Variants in DNAH5 observed in about 807,000 individuals in gnomAD.
DNAH5 encodes the protein axonemal beta dynein heavy chain 5.
A neutral mutation model predicts 518.2 loss-of-function variants in DNAH5; 372 were observed. The observed-to-expected ratio is 0.72, with a 90% CI of 0.66 to 0.78. The LOEUF (loss-of-function observed/expected upper bound fraction) is 0.78. Ranked by LOEUF, DNAH5 falls within the 30% of genes least tolerant of loss-of-function variation. The probability of loss-of-function intolerance (pLI) is 0.00; values close to 1 mark genes in which losing one functional copy is unlikely to be tolerated. For synonymous variants in DNAH5, 2,039 were observed against 2,025.9 expected (o/e 1.01, Z -0.17); for missense variants, 5,523 against 5,687.0 (o/e 0.97, Z 0.93).
At position 13,758,943 on chromosome 5, in the gene DNAH5, A is replaced by G; in HGVS notation, c.10322T>C (p.Met3441Thr). The G allele has an allele frequency of 1.2e-6, 2 of 1,614,202 alleles. No individual in the cohort carries two copies. The highest frequency in any genetic ancestry group is 1.7e-6 in the Non-Finnish European group (2 of 1,180,020). The change falls in exon 61 of 79, where the codon ATG becomes ACG. Residue 3441 changes from methionine (M) to threonine (T), a missense_variant. By Grantham distance (81) the Met-to-Thr change is moderately conservative. This residue lies in a region of DNAH5 where 5,121 missense variants were observed against 5,223.3 expected (regional missense o/e 0.98). Coordinates refer to ENST00000265104, the MANE Select transcript of DNAH5 (RefSeq NM_001369.3). ...GGCCTGGGCTTTCTGCAGATCCTGC[A>G]TGGCCAGGAGATGGCGATTCTCTTG... ...VVQENRHLLA[M>T]QDLQKAQAEL...
At chr5:13,964,996 C>T (rs531273057) in intron 1 of DNAH5, among the ~76,000 whole-genome samples, 3 of 152,300 alleles carry the variant, frequency 2.0e-5, no homozygotes, top group African/African-American at 7.2e-5. Context: ...CCCTCCACCT[C>T]GTCCACTGGG....
In DNAH5 at chr5:13,745,615, T is replaced by G. The variant is rs139506004; in HGVS notation, c.11211+5463A>C. Reference sequence around the variant, plus strand: ...TGATGAATTTTTGGAGTCAAAGATTTGTCTTTCCCTTGCATGATCAATTAC... The same window carrying G: ...TGATGAATTTTTGGAGTCAAAGATTGGTCTTTCCCTTGCATGATCAATTAC... On this transcript the variant is annotated intron_variant, in intron 65 of 78. Coordinates refer to ENST00000265104, the MANE Select transcript of DNAH5 (RefSeq NM_001369.3). Among the ~76,000 whole-genome samples, 62 of 152,160 alleles carry G rather than the reference T, an allele frequency of 4.1e-4. 1 individual carries two copies. Among genetic ancestry groups the G allele is most frequent in the African/African-American group, 1.3e-3 (54 of 41,530 alleles).
chr5:13,809,306 T>C (rs1580357908), intron 45 of DNAH5, 120 bp from the exon 46 acceptor site: 3 of 1,232,182 alleles, frequency 2.4e-6, no homozygotes, highest in Non-Finnish European at 3.6e-6. Flanking sequence ...AAAATGAAGA[T>C]CATTAAAATT....
At chr5:13,794,880 T>C (rs1482125278) in intron 47 of DNAH5, among the ~76,000 whole-genome samples, 4 of 152,150 alleles carry the variant, frequency 2.6e-5, no homozygotes, top group Admixed American at 1.3e-4. Flanking sequence ...GGCAGGACAA[T>C]GGTGTGAACC....
intron 78 of DNAH5, among the ~76,000 whole-genome samples, chr5:13,697,466 C>G (rs1741536102): frequency 6.6e-6 from 1 of 152,220 alleles, no homozygotes; most frequent in Non-Finnish European, 1.5e-5. Context: ...CTGGTCCCCT[C>G]CCAAGGTAAT....
At chr5:13,704,480 A>G (rs182769178) in intron 76 of DNAH5, among the ~76,000 whole-genome samples, 1 of 152,318 alleles carries the variant, frequency 6.6e-6, no homozygotes, top group East Asian at 1.9e-4. Context: ...GTTCAATATC[A>G]GCTTTATCAG....
chr5:13,801,341 A>C (rs967391115), intron 47 of DNAH5, among the ~76,000 whole-genome samples: 24 of 152,180 alleles, frequency 1.6e-4, no homozygotes, highest in Non-Finnish European at 4.4e-5. Context: ...AACATAACTG[A>C]AAGTTTCCTG....
Position 13,830,042 on chromosome 5 carries a change from C to T in DNAH5, c.6233G>A (p.Gly2078Glu). The change falls in exon 37 of 79, where the codon GGG (glycine) becomes GAG (glutamate). Residue 2078 changes from glycine to glutamate, a missense_variant. Transcript: ENST00000265104. ...GCTCCTTACCATGGTTAAGAAAAGC[C>T]CAAATTCAGGGTTCATAGTCACATT... ...GDNVTMNPEFGLFLTMNPGYA... is the reference protein window; with the variant it reads ...GDNVTMNPEFELFLTMNPGYA... 3 of 1,613,656 alleles carry T rather than the reference C, an allele frequency of 1.9e-6. No homozygotes were observed. Among genetic ancestry groups the T allele is most frequent in the Non-Finnish European group, 2.5e-6 (3 of 1,179,928 alleles).
chr5:13,998,537 A>G (rs986129689), intron 1 of DNAH5, among the ~76,000 whole-genome samples: 1 of 152,220 alleles, frequency 6.6e-6, no homozygotes, highest in Non-Finnish European at 1.5e-5. Flanking sequence ...GCCAAGCTTC[A>G]ATAGCTCCAG....
At chr5:13,853,241 G>A (rs1580593646) in intron 30 of DNAH5, among the ~76,000 whole-genome samples, 1 of 152,174 alleles carries the variant, frequency 6.6e-6, no homozygotes, top group African/African-American at 2.4e-5. Context: ...GTCTGGATTG[G>A]AACCCCAGCA....
chr5:13,910,630 G>A (rs4546379), intron 12 of DNAH5, among the ~76,000 whole-genome samples: 50,700 of 151,910 alleles, frequency 0.33, 8,665 homozygotes, highest in African/African-American at 0.39. Context: ...ATACCTGCTG[G>A]GTGTCTTCCC....
At chr5:13,864,967 G>C (rs1769009346) in intron 27 of DNAH5, among the ~76,000 whole-genome samples, 2 of 150,766 alleles carry the variant, frequency 1.3e-5, no homozygotes, top group African/African-American at 2.4e-5. Flanking sequence ...GCATAGCAAA[G>C]TGTATCAGGC....
intron 65 of DNAH5, among the ~76,000 whole-genome samples, chr5:13,745,851 A>G (rs953834366): frequency 3.9e-5 from 6 of 152,048 alleles, no homozygotes; most frequent in Admixed American, 3.9e-4. Context: ...TTTCAAATTG[A>G]TATTTTATAT....
chr5:13,752,101 T>C lies in DNAH5; in HGVS notation c.11028+33A>G, dbSNP rs778470946. The stretch of plus-strand genomic sequence containing the variant: ...CATTGACCTGGCCTCATGGTAATTG[T>C]TCTGCACATTGTCATCCATAGGTTT... On this transcript the variant is annotated intron_variant, in intron 64 of 78. Coordinates refer to ENST00000265104, the MANE Select transcript of DNAH5 (RefSeq NM_001369.3). 1.9e-6 allele frequency: 3 copies of C among 1,611,650 alleles called. No homozygotes were observed. In the South Asian group the frequency reaches 3.3e-5, roughly 18 times the overall value.
intron 51 of DNAH5, among the ~76,000 whole-genome samples, chr5:13,787,796 T>C (rs1756304377): frequency 6.6e-6 from 1 of 152,226 alleles, no homozygotes; most frequent in Admixed American, 6.5e-5. Flanking sequence ...ATCATTCCAA[T>C]TGCATCTCCA....
chr5:13,865,692 T>C lies in DNAH5; in HGVS notation c.4331A>G (p.Asn1444Ser), dbSNP rs567013299. ...CCTGTTCTGGAATTCTAAGAGTTCA[T>C]TGTTAATTTTTTCAATATTCACCTC... ...WSEVNIEKINNELLEFQNRCR... is the reference protein window; with the variant it reads ...WSEVNIEKINSELLEFQNRCR... The change falls in exon 27 of 79, where the codon AAT becomes AGT. Residue 1444 changes from asparagine (N) to serine (S), a missense_variant. This residue lies in a region of DNAH5 where 5,121 missense variants were observed against 5,223.3 expected (regional missense o/e 0.98). Coordinates refer to ENST00000265104, the MANE Select transcript of DNAH5 (RefSeq NM_001369.3). 1.7e-4 allele frequency: 276 copies of C among 1,584,886 alleles called. 10 individuals are homozygous for C. The South Asian group carries it at 2.6e-3, about 15-fold the overall frequency.
At position 13,931,318 on chromosome 5, in the gene DNAH5, C is replaced by T. The variant is rs1272946362; in HGVS notation, c.58-74G>A. 3.8e-6 allele frequency: 6 copies of T among 1,593,160 alleles called. No individual in the cohort carries two copies. The African/African-American group carries it at 8.1e-5, about 21-fold the overall frequency. On this transcript the variant is annotated intron_variant, in intron 1 of 78. Transcript: ENST00000265104. Reference sequence around the variant, plus strand: ...GGATTCATTTTGTAATAATTTCATACAATTGTTGTTTTTTCAAGTCTTAGG... The same window carrying T: ...GGATTCATTTTGTAATAATTTCATATAATTGTTGTTTTTTCAAGTCTTAGG...
intron 14 of DNAH5, chr5:13,900,651 T>G: frequency 1.9e-6 from 1 of 537,094 alleles, no homozygotes; most frequent in Non-Finnish European, 3.3e-6. Context: ...ACTCTAACAC[T>G]GATAAATAAG....
intron 24 of DNAH5, among the ~76,000 whole-genome samples, chr5:13,869,369 A>T (rs779534823): frequency 5.3e-5 from 8 of 152,066 alleles, no homozygotes; most frequent in Non-Finnish European, 1.2e-4. Context: ...TAAAAATAAC[A>T]AATATAGTGA....
Sources: gnomAD v4.1 joint callset for allele counts (sites outside exome capture counted in the v4.1 genomes callset) on GRCh38, gnomAD v4.1.1 for gene constraint, gnomAD v4.1.1 regional missense constraint, MANE v1.5 for transcripts, NCBI Gene and HGNC (gene_info 2026-07-23, HGNC 2026-07-21) for gene names.